ZYG11A: variants seen among roughly 807,000 people sequenced by gnomAD.
ZYG11A encodes the protein zyg-11 family member A, cell cycle regulator.
A neutral mutation model predicts 77.2 loss-of-function variants in ZYG11A; 62 were observed. The ratio of observed to expected loss-of-function variants is 0.80; its 90% CI spans 0.65 to 0.99. The LOEUF (loss-of-function observed/expected upper bound fraction) is 0.99, where lower values mean the gene tolerates loss of function less well. Ranked by LOEUF, ZYG11A falls within the 50% of genes least tolerant of loss-of-function variation. The probability of loss-of-function intolerance (pLI) is 0.00; values close to 1 mark genes in which losing one functional copy is unlikely to be tolerated. For missense variants in ZYG11A, 828 were observed against 896.8 expected, an observed-to-expected ratio of 0.92 and a Z score of 0.98; for synonymous variants, 315 against 324.6, an observed-to-expected ratio of 0.97 and a Z score of 0.32.
chr1:52,875,226 A>G (rs1478140903), intron 8 of ZYG11A, among the ~76,000 whole-genome samples: 1 of 152,194 alleles, frequency 6.6e-6, no homozygotes, highest in Non-Finnish European at 1.5e-5. Flanking sequence ...AGAGGAAGTC[A>G]TTAGTCACCT....
chr1:52,882,979 C>CTCATCTTTTCTTTTTTTTTTTTTTTTTT (rs1553124936), intron 11 of ZYG11A, among the ~76,000 whole-genome samples: 4 of 150,240 alleles, frequency 2.7e-5, no homozygotes, highest in African/African-American at 1.0e-4. Flanking sequence ...CCTTCCCAGA[C>CTCATCTTTTCTTTTTTTTTTTTTTTTTT]TCATCTTTTC....
intron 8 of ZYG11A, among the ~76,000 whole-genome samples, chr1:52,868,901 T>C (rs1354972169): frequency 6.6e-6 from 1 of 152,212 alleles, no homozygotes; most frequent in Admixed American, 6.5e-5. Flanking sequence ...AATGGTGCAA[T>C]CTCGGCTCAC....
In ZYG11A at chr1:52,893,244, T is replaced by A. The variant is rs897298208; in HGVS notation, c.*287T>A. On this transcript the variant is annotated 3_prime_UTR_variant, in exon 14 of 14. Coordinates refer to ENST00000371528, the MANE Select transcript of ZYG11A (RefSeq NM_001004339.3). ...AACAGCTATGCAAGTTACTTTTCTC[T>A]AGCCTTGGACAATTTTTTCCCTTTG... 10 of 295,210 alleles carry A rather than the reference T, an allele frequency of 3.4e-5. No homozygotes were observed. Among genetic ancestry groups the A allele is most frequent in the African/African-American group, 6.4e-5 (3 of 46,924 alleles). The allele number at this position is 295,210 out of a possible 1,614,324, so 18.3% of individuals were successfully genotyped here.
At chr1:52,843,690 T>TTC (rs1220787149) in intron 1 of ZYG11A, among the ~76,000 whole-genome samples, 34 of 111,234 alleles carry the variant, frequency 3.1e-4, no homozygotes, top group South Asian at 7.4e-4. Context: ...CTTTCTTTCT[T>TTC]TTTTTTTTTT....
chr1:52,857,761 T>C lies in ZYG11A; in HGVS notation c.1008+12T>C. 5 of 1,515,424 alleles carry C rather than the reference T, an allele frequency of 3.3e-6. No homozygotes were observed. Among genetic ancestry groups the C allele is most frequent in the Non-Finnish European group, 4.4e-6 (5 of 1,132,392 alleles). The allele number at this position is 1,515,424 out of a possible 1,614,324, so 93.9% of individuals were successfully genotyped here. A position where few individuals can be genotyped will look rare whatever the true frequency, so the allele number is the denominator to read the frequency against. ...AGCAAGGCTTGAGGGTTTGTTCTTATCTGAATAAGTTTTGTTTCATTTGTT... is the reference window on the plus strand; with the variant it reads ...AGCAAGGCTTGAGGGTTTGTTCTTACCTGAATAAGTTTTGTTTCATTTGTT... On this transcript the variant is annotated intron_variant, in intron 3 of 13. Transcript: ENST00000371528.
At position 52,881,499 on chromosome 1, in the gene ZYG11A, C is replaced by T; in HGVS notation, c.1778C>T (p.Ser593Phe). The T allele has an allele frequency of 6.4e-7, 1 of 1,551,336 alleles. No individual in the cohort carries two copies. The highest frequency in any genetic ancestry group is 8.7e-7 in the Non-Finnish European group (1 of 1,146,772). ...LNNIAEVREL[S>F]SKLVTEDVLK... ...AACATAGCAGAAGTCAGAGAGCTCT[C>T]TTCCAAGCTGGTGACCGAAGATGTG... The change falls in exon 11 of 14, where the codon TCT (serine) becomes TTT (phenylalanine). Residue 593 changes from serine to phenylalanine, a missense_variant. By Grantham distance (155) the Ser-to-Phe change is radical. Transcript: ENST00000371528.
intron 8 of ZYG11A, among the ~76,000 whole-genome samples, chr1:52,873,430 A>G (rs1263039870): frequency 1.3e-5 from 2 of 152,180 alleles, no homozygotes; most frequent in Non-Finnish European, 2.9e-5. Flanking sequence ...CCAATTCTTT[A>G]GTGGAAGGAG....
chr1:52,886,939 A>G lies in ZYG11A; in HGVS notation c.2007-17A>G. 7.2e-7 allele frequency: 1 copy of G among 1,396,086 alleles called. No individual in the cohort carries two copies. Among genetic ancestry groups the G allele is most frequent in the Non-Finnish European group, 9.9e-7 (1 of 1,007,136 alleles). 86.5% of individuals were successfully genotyped at this position (1,396,086 alleles called of 1,614,324 possible). A position where few individuals can be genotyped will look rare whatever the true frequency, so the allele number is the denominator to read the frequency against. On this transcript the variant is annotated splice_polypyrimidine_tract_variant and intron_variant, in intron 12 of 13. Coordinates refer to ENST00000371528, the MANE Select transcript of ZYG11A (RefSeq NM_001004339.3). ...AACTGTTCTGGATTAACATCTTTGT[A>G]CTTTTTTTTGTTTTAGATCTTTCAA...
intron 4 of ZYG11A, among the ~76,000 whole-genome samples, chr1:52,862,271 T>C (rs1379394547): frequency 6.6e-6 from 1 of 150,812 alleles, no homozygotes; most frequent in Non-Finnish European, 1.5e-5. Flanking sequence ...GCTACTTGGG[T>C]GACTGAGATT....
chr1:52,843,181 G>T (rs867155393), intron 1 of ZYG11A, among the ~76,000 whole-genome samples: 1 of 152,240 alleles, frequency 6.6e-6, no homozygotes, highest in African/African-American at 2.4e-5. Flanking sequence ...CCGCGGAGCG[G>T]GGGGTGCTTT....
chr1:52,879,007 G>T (rs796784351), intron 10 of ZYG11A, among the ~76,000 whole-genome samples: 1 of 148,760 alleles, frequency 6.7e-6, no homozygotes, highest in African/African-American at 2.5e-5. Flanking sequence ...AGTCAGTCTG[G>T]CTCCAGACCC....
chr1:52,854,680 GA>G lies in ZYG11A; in HGVS notation c.256+54del, dbSNP rs143968813. The G allele has an allele frequency of 1.4e-3, 1,974 of 1,411,486 alleles. 42 individuals carry two copies. The African/African-American group carries it at 0.026, about 19-fold the overall frequency. The allele number at this position is 1,411,486 out of a possible 1,614,324, so 87.4% of individuals were successfully genotyped here. On this transcript the variant is annotated intron_variant, in intron 2 of 13. Transcript: ENST00000371528. ...CAGCTCTTGCAGTACTTTACTATTT[GA>G]AAAGCACTTTTACACACAATTTCTA... is the stretch of plus-strand genomic sequence containing the variant.
rs1646575362 is a variant in ZYG11A, at chr1:52,893,276, T to C, written c.*319T>C. 1 of 249,536 alleles carries C rather than the reference T, an allele frequency of 4.0e-6. No homozygotes were observed. Among genetic ancestry groups the C allele is most frequent in the African/African-American group, 2.2e-5 (1 of 45,194 alleles). 15.5% of individuals were successfully genotyped at this position (249,536 alleles called of 1,614,324 possible). Reference sequence around the variant, plus strand: ...GGACAATTTTTTCCCTTTGGGAGCTTGTCATGGGAGTGGGACCTGTTCACT... The same window carrying C: ...GGACAATTTTTTCCCTTTGGGAGCTCGTCATGGGAGTGGGACCTGTTCACT... On this transcript the variant is annotated 3_prime_UTR_variant, in exon 14 of 14. Coordinates refer to ENST00000371528, the MANE Select transcript of ZYG11A (RefSeq NM_001004339.3).
At chr1:52,870,743 C>A (rs960730811) in intron 8 of ZYG11A, among the ~76,000 whole-genome samples, 1 of 152,108 alleles carries the variant, frequency 6.6e-6, no homozygotes, top group Non-Finnish European at 1.5e-5. Flanking sequence ...CGCCTGCAGT[C>A]GCAGGCACTC....
intron 8 of ZYG11A, 87 bp downstream of exon 8, chr1:52,867,864 A>G (rs1646055565): frequency 3.7e-6 from 4 of 1,079,154 alleles, no homozygotes; most frequent in Non-Finnish European, 5.3e-6. Flanking sequence ...ATCATTCCAA[A>G]AGGCCTATTA....
chr1:52,881,495 C>T lies in ZYG11A; in HGVS notation c.1774C>T (p.Leu592Phe), dbSNP rs757200627. 22 of 1,550,826 alleles carry T rather than the reference C, an allele frequency of 1.4e-5. No homozygotes were observed. Among genetic ancestry groups the T allele is most frequent in the Non-Finnish European group, 1.8e-5 (21 of 1,146,610 alleles). ...GAACAACATAGCAGAAGTCAGAGAG[C>T]TCTCTTCCAAGCTGGTGACCGAAGA... ...LLNNIAEVRE[L>F]SSKLVTEDVL... Residue 592 changes from leucine (L) to phenylalanine (F), a missense_variant, in exon 11 of 14, where the codon CTC becomes TTC. Physicochemically the swap from Leu to Phe is conservative, Grantham distance 22 (BLOSUM62 0). Coordinates refer to ENST00000371528, the MANE Select transcript of ZYG11A (RefSeq NM_001004339.3).
intron 13 of ZYG11A, among the ~76,000 whole-genome samples, chr1:52,887,821 CTA>C (rs1646477008): frequency 6.6e-6 from 1 of 152,070 alleles, no homozygotes; most frequent in South Asian, 2.1e-4. Flanking sequence ...CTGCAGTGAT[CTA>C]TGTTAGTGCC....
chr1:52,845,091 C>T (rs1266747999), intron 1 of ZYG11A, among the ~76,000 whole-genome samples: 1 of 151,960 alleles, frequency 6.6e-6, no homozygotes, highest in African/African-American at 2.4e-5. Context: ...AGTTCGTATG[C>T]ATTTAGGAAT....
intron 3 of ZYG11A, among the ~76,000 whole-genome samples, chr1:52,859,174 A>C (rs1418794322): frequency 6.6e-6 from 1 of 151,058 alleles, no homozygotes; most frequent in Non-Finnish European, 1.5e-5. Context: ...AGATCCCCAA[A>C]TTTTTTTTGG....
Sources: allele counts gnomAD v4.1 joint callset (sites outside exome capture counted in the v4.1 genomes callset), GRCh38; gene constraint gnomAD v4.1.1; transcripts MANE v1.5; gene names NCBI Gene and HGNC (gene_info 2026-07-23, HGNC 2026-07-21).